ITGAM: variants seen among roughly 807,000 people sequenced by gnomAD.
ITGAM encodes integrin subunit alpha M.
In ITGAM, 79 loss-of-function variants were observed where a neutral mutation model predicts 137.5. The ratio of observed to expected loss-of-function variants is 0.57; its 90% CI spans 0.48 to 0.69. ITGAM has a LOEUF of 0.69. ITGAM is among the 30% of genes least tolerant of loss of function. The probability of loss-of-function intolerance (pLI) is 0.00; values close to 1 mark genes in which losing one functional copy is unlikely to be tolerated. For synonymous variants in ITGAM, 583 were observed against 592.3 expected (o/e 0.98, Z 0.23); for missense variants, 1,343 against 1,483.5 (o/e 0.91, Z 1.56).
chr16:31,330,912 G>A (rs902915341), intron 28 of ITGAM, among the ~76,000 whole-genome samples: 51 of 143,280 alleles, frequency 3.6e-4, no homozygotes, highest in African/African-American at 1.4e-3. Context: ...GATACAGAGC[G>A]CGACAGAGAC....
At chr16:31,293,323 C>T (rs1156966350) in intron 12 of ITGAM, among the ~76,000 whole-genome samples, 2 of 151,628 alleles carry the variant, frequency 1.3e-5, no homozygotes, top group African/African-American at 4.9e-5. Flanking sequence ...TTTGCTTATT[C>T]CTGTGTCTAG....
chr16:31,330,944 TAGAG>T (rs1217362837), intron 28 of ITGAM, among the ~76,000 whole-genome samples: 10 of 139,540 alleles, frequency 7.2e-5, no homozygotes, highest in Admixed American at 3.6e-4. Context: ...GCCATGGAGA[TAGAG>T]AGACAGAGAG....
intron 14 of ITGAM, among the ~76,000 whole-genome samples, chr16:31,311,475 G>C (rs1191661022): frequency 6.6e-6 from 1 of 152,146 alleles, no homozygotes; most frequent in African/African-American, 2.4e-5. Context: ...GTGGGTGAAG[G>C]ATATGAACAG....
chr16:31,309,791 C>T lies in ITGAM; in HGVS notation c.1708-11450C>T, dbSNP rs533627239. Among the ~76,000 whole-genome samples, 14 of 152,168 alleles carry T rather than the reference C, an allele frequency of 9.2e-5. 1 individual carries two copies. Among genetic ancestry groups the T allele is most frequent in the South Asian group, 2.1e-4 (1 of 4,820 alleles). On this transcript the variant is annotated intron_variant, in intron 14 of 29. Coordinates refer to ENST00000544665, the MANE Select transcript of ITGAM (RefSeq NM_000632.4). ...GGCATGTTTTTGCAGTGGCTGGTAC[C>T]GGCTGTTCCTTTCCATGTTTAGTGC...
intron 14 of ITGAM, among the ~76,000 whole-genome samples, chr16:31,312,865 G>T (rs2080349324): frequency 7.3e-6 from 1 of 137,702 alleles, no homozygotes; most frequent in South Asian, 2.5e-4. Flanking sequence ...GTGGTAGTAG[G>T]GAGCAGTCTT....
chr16:31,298,872 T>A (rs2080166479), intron 14 of ITGAM, among the ~76,000 whole-genome samples: 1 of 152,202 alleles, frequency 6.6e-6, no homozygotes, highest in Non-Finnish European at 1.5e-5. Context: ...CTTGTCACCC[T>A]ATATTCTGGA....
chr16:31,271,322 G>C (rs1207896981), intron 6 of ITGAM, among the ~76,000 whole-genome samples: 1 of 152,126 alleles, frequency 6.6e-6, no homozygotes, highest in African/African-American at 2.4e-5. Context: ...TGAAGCCCAC[G>C]TGTCATTGCT....
intron 2 of ITGAM, among the ~76,000 whole-genome samples, chr16:31,264,490 C>CTG (rs2037937010): frequency 6.6e-6 from 1 of 152,040 alleles, no homozygotes; most frequent in East Asian, 1.9e-4. Flanking sequence ...AATAAAATGA[C>CTG]TGTGTGGGCC....
chr16:31,262,848 C>T (rs1291751307), intron 2 of ITGAM, among the ~76,000 whole-genome samples: 1 of 152,208 alleles, frequency 6.6e-6, no homozygotes, highest in East Asian at 1.9e-4. Flanking sequence ...CTGGTCTCTG[C>T]TCTTTGCTTT....
intron 12 of ITGAM, among the ~76,000 whole-genome samples, chr16:31,289,110 T>C (rs1291627016): frequency 6.6e-6 from 1 of 152,152 alleles, no homozygotes; most frequent in Non-Finnish European, 1.5e-5. Flanking sequence ...AAACAACACG[T>C]GCTGGAGAGG....
At chr16:31,306,451 A>G (rs2080265676) in intron 14 of ITGAM, among the ~76,000 whole-genome samples, 1 of 152,152 alleles carries the variant, frequency 6.6e-6, no homozygotes. Context: ...CAGTGCAGAC[A>G]TATAACACTC....
intron 8 of ITGAM, among the ~76,000 whole-genome samples, chr16:31,274,104 G>A (rs547725105): frequency 1.1e-4 from 16 of 152,276 alleles, no homozygotes; most frequent in African/African-American, 3.4e-4. Context: ...AACATCTTTC[G>A]CTGATGCTAT....
intron 12 of ITGAM, among the ~76,000 whole-genome samples, chr16:31,279,307 C>T (rs1219056453): frequency 1.3e-5 from 2 of 152,148 alleles, no homozygotes; most frequent in African/African-American, 2.4e-5. Flanking sequence ...CTTGAGGAAT[C>T]GCCACACTGT....
At chr16:31,327,089 C>A in intron 22 of ITGAM, 154 bp downstream of exon 22, 1 of 706,864 alleles carries the variant, frequency 1.4e-6, no homozygotes, top group East Asian at 2.5e-5. Flanking sequence ...CGTGCTGGGC[C>A]TTGTGCTGAG....
rs779080892 is a variant in ITGAM, at chr16:31,324,552, C to T, written c.2156C>T (p.Pro719Leu). 8.1e-6 allele frequency: 13 copies of T among 1,609,462 alleles called. No individual in the cohort carries two copies. Among genetic ancestry groups the T allele is most frequent in the African/African-American group, 5.3e-5 (4 of 74,862 alleles). Residue 719 changes from proline to leucine, a missense_variant and splice_region_variant, in exon 17 of 30, where the codon CCG (proline) becomes CTG (leucine). Transcript: ENST00000544665. This position sits in a 1 kb window ranked among gnomAD's most constrained non-coding sequence, Gnocchi z 4.5. ...TGTGAGACCCTGAAACTACAGTTGC[C>T]GGTGAGCAGGCTAGTGGCCAGACCC... ...QTCETLKLQL[P>L]NCIEDPVSPI...
Position 31,271,894 on chromosome 16 carries a change from CAA to C in ITGAM, c.608_609del (p.Lys203ArgfsTer7). Reference sequence around the variant, plus strand: ...AAGAATTCCGGATTCACTTTACCTTCAAAGAGTTCCAGAACAACCCTAACCCA... The same window carrying C: ...AAGAATTCCGGATTCACTTTACCTTCAGAGTTCCAGAACAACCCTAACCCA... ...SEEFRIHFTFKEFQNNPNPRS... is the reference protein window; with the variant it reads ...SEEFRIHFTFXEFQNNPNPRS... On this transcript the variant is annotated frameshift_variant, in exon 7 of 30. Transcript: ENST00000544665. LOFTEE classifies it high-confidence loss of function. 7 of 1,614,028 alleles carry C rather than the reference CAA, an allele frequency of 4.3e-6. No individual in the cohort carries two copies. The highest frequency in any genetic ancestry group is 5.1e-6 in the Non-Finnish European group (6 of 1,179,896).
chr16:31,261,044 T>A (rs2079692771), intron 1 of ITGAM, among the ~76,000 whole-genome samples: 1 of 152,122 alleles, frequency 6.6e-6, no homozygotes, highest in African/African-American at 2.4e-5. Flanking sequence ...CTGCAAAACC[T>A]AAAATTTACT....
At chr16:31,291,272 T>C (rs2080084451) in intron 12 of ITGAM, among the ~76,000 whole-genome samples, 1 of 152,222 alleles carries the variant, frequency 6.6e-6, no homozygotes. Context: ...ATATCTCGAC[T>C]ATTGTGAATA....
chr16:31,324,878 A>C lies in ITGAM; in HGVS notation c.2290-80A>C. 6.4e-7 allele frequency: 1 copy of C among 1,550,966 alleles called. No homozygotes were observed. The highest frequency in any genetic ancestry group is 8.7e-7 in the Non-Finnish European group (1 of 1,143,708). On this transcript the variant is annotated intron_variant, in intron 18 of 29. Transcript: ENST00000544665. The surrounding 1 kb of genome is among the most constrained non-coding windows in gnomAD (Gnocchi z 4.5). ...ATTTGATTGCATCTAATTTTACTTC[A>C]ACATTTGATTTTATTGTTTAATTTC... is the stretch of plus-strand genomic sequence containing the variant.
Sources: allele counts gnomAD v4.1 joint callset (sites outside exome capture counted in the v4.1 genomes callset), GRCh38; gene constraint gnomAD v4.1.1; non-coding constraint Gnocchi (gnomAD v3.1); transcripts MANE v1.5; gene names NCBI Gene and HGNC (gene_info 2026-07-23, HGNC 2026-07-21).